The following CADPS2 variants were observed in gnomAD, a reference collection of about 807,000 sequenced individuals.
The protein encoded by CADPS2 is calcium dependent secretion activator 2.
CADPS2 carries 93 observed loss-of-function variants against 172.5 expected under a neutral mutation model. The observed-to-expected ratio is 0.54, with a 90% CI of 0.46 to 0.64. The LOEUF (loss-of-function observed/expected upper bound fraction) is 0.64, where lower values mean the gene tolerates loss of function less well. Among genes scored for constraint, CADPS2 ranks in the 30% least tolerant of loss-of-function variants. The pLI is 0.00. For missense variants in CADPS2, 1,420 were observed against 1,565.9 expected (o/e 0.91, Z 1.57); for synonymous variants, 546 against 555.2 (o/e 0.98, Z 0.23).
At chr7:122,591,482 ACT>A (rs1256679118) in intron 6 of CADPS2, among the ~76,000 whole-genome samples, 2 of 152,156 alleles carry the variant, frequency 1.3e-5, no homozygotes, top group African/African-American at 4.8e-5. Context: ...ATTGGAAAAA[ACT>A]ACTTTAAAGT....
At chr7:122,662,227 T>C (rs2080649987) in intron 3 of CADPS2, among the ~76,000 whole-genome samples, 1 of 152,180 alleles carries the variant, frequency 6.6e-6, no homozygotes. Context: ...ATTTTATCAA[T>C]TTAAGTTTTA....
At chr7:122,702,728 G>A in intron 2 of CADPS2, 2 of 1,606,582 alleles carry the variant, frequency 1.2e-6, no homozygotes, top group South Asian at 1.1e-5. Flanking sequence ...ATGCGTCGAA[G>A]GGGTAATTCT....
chr7:122,694,513 G>A (rs1176871891), intron 2 of CADPS2, among the ~76,000 whole-genome samples: 1 of 152,138 alleles, frequency 6.6e-6, no homozygotes. Context: ...ACAGTAACTT[G>A]GAGGTCTGAT....
chr7:122,432,654 A>AAAAAG (rs976452853), intron 17 of CADPS2, among the ~76,000 whole-genome samples: 3 of 151,080 alleles, frequency 2.0e-5, no homozygotes, highest in African/African-American at 7.3e-5. Context: ...AAAAAAAAAA[A>AAAAAG]AAAAAAAGAA....
intron 15 of CADPS2, among the ~76,000 whole-genome samples, 190 bp from the exon 16 acceptor site, chr7:122,441,765 CAAT>C (rs2051384128): frequency 6.6e-6 from 1 of 152,042 alleles, no homozygotes; most frequent in Non-Finnish European, 1.5e-5. Context: ...AAGACTTAAA[CAAT>C]AAAAGTATAA....
intron 8 of CADPS2, among the ~76,000 whole-genome samples, chr7:122,517,452 T>C (rs1172525861): frequency 6.6e-6 from 1 of 152,074 alleles, no homozygotes; most frequent in Non-Finnish European, 1.5e-5. Flanking sequence ...TGAAAGTACA[T>C]GTTTAACTTT....
chr7:122,853,151 T>C (rs906183302), intron 1 of CADPS2, among the ~76,000 whole-genome samples: 65 of 152,184 alleles, frequency 4.3e-4, no homozygotes, highest in African/African-American at 1.4e-3. Context: ...GACTGAACCC[T>C]ATAAACTACA....
At chr7:122,396,983 TA>T (rs1563232110) in intron 20 of CADPS2, among the ~76,000 whole-genome samples, 1 of 152,226 alleles carries the variant, frequency 6.6e-6, no homozygotes, top group African/African-American at 2.4e-5. Context: ...ATGGCACTTA[TA>T]AAACCTATTG....
At position 122,474,521 on chromosome 7, in the gene CADPS2, T is replaced by C; in HGVS notation, c.1862-4A>G. On this transcript the variant is annotated splice_region_variant and splice_polypyrimidine_tract_variant and intron_variant, in intron 12 of 29. Coordinates refer to ENST00000449022, the MANE Select transcript of CADPS2 (RefSeq NM_017954.11). ...TGTTTCTGAAAACGATCTGCATCTG[T>C]AAATTCAGGAAAGCATGTACAGTAT... 1 of 1,611,782 alleles carries C rather than the reference T, an allele frequency of 6.2e-7. No homozygotes were observed. Among genetic ancestry groups the C allele is most frequent in the African/African-American group, 1.3e-5 (1 of 74,966 alleles).
chr7:122,687,601 A>G (rs1015321412), intron 2 of CADPS2, among the ~76,000 whole-genome samples: 7 of 152,200 alleles, frequency 4.6e-5, no homozygotes, highest in African/African-American at 1.4e-4. Context: ...ACTGTTAAGG[A>G]TTAAATGAGA....
At chr7:122,440,184 C>T (rs1039496955) in intron 16 of CADPS2, 1 of 152,138 alleles carries the variant, frequency 6.6e-6, no homozygotes, top group African/African-American at 2.4e-5. Flanking sequence ...GTGACTATAA[C>T]TGGAATAAAG....
chr7:122,370,137 GA>G, intron 25 of CADPS2, among the ~76,000 whole-genome samples: 1 of 152,156 alleles, frequency 6.6e-6, no homozygotes, highest in South Asian at 2.1e-4. Context: ...ACTTGCTTGG[GA>G]AAACTTTTCC....
At chr7:122,590,751 C>T (rs563672525) in intron 6 of CADPS2, among the ~76,000 whole-genome samples, 10 of 151,502 alleles carry the variant, frequency 6.6e-5, no homozygotes, top group Admixed American at 6.6e-5. Context: ...CAAATAGCTC[C>T]AATATAATCC....
At chr7:122,548,074 A>C (rs2063807303) in intron 8 of CADPS2, among the ~76,000 whole-genome samples, 1 of 152,144 alleles carries the variant, frequency 6.6e-6, no homozygotes, top group Non-Finnish European at 1.5e-5. Context: ...CCCTCTTCAA[A>C]TAAAGCAATT....
intron 20 of CADPS2, among the ~76,000 whole-genome samples, chr7:122,404,254 T>C (rs1483544272): frequency 6.6e-6 from 1 of 152,186 alleles, no homozygotes; most frequent in Non-Finnish European, 1.5e-5. Flanking sequence ...TTGGTTTTTT[T>C]GTCCTTGCAA....
chr7:122,337,693 T>C (rs2036081713), intron 28 of CADPS2, among the ~76,000 whole-genome samples: 1 of 149,428 alleles, frequency 6.7e-6, no homozygotes. Flanking sequence ...TGAGGATTAT[T>C]AACTCAAAGG....
chr7:122,679,712 C>G (rs2082818641), intron 2 of CADPS2, among the ~76,000 whole-genome samples: 1 of 151,426 alleles, frequency 6.6e-6, no homozygotes, highest in Admixed American at 6.6e-5. Flanking sequence ...CCTGGACATC[C>G]AGCTTTAAAA....
At chr7:122,467,779 A>G (rs959691627) in intron 14 of CADPS2, among the ~76,000 whole-genome samples, 2 of 152,186 alleles carry the variant, frequency 1.3e-5, no homozygotes, top group Non-Finnish European at 2.9e-5. Context: ...ATAACCACAC[A>G]TATCAACCTA....
intron 3 of CADPS2, among the ~76,000 whole-genome samples, chr7:122,645,498 A>ATT (rs2078364334): frequency 9.4e-6 from 1 of 105,964 alleles, no homozygotes; most frequent in Admixed American, 1.0e-4. Flanking sequence ...GTATATATAT[A>ATT]TAAGTATATA....
Sources: gnomAD v4.1 joint callset for allele counts (sites outside exome capture counted in the v4.1 genomes callset) on GRCh38, gnomAD v4.1.1 for gene constraint, MANE v1.5 for transcripts, NCBI Gene and HGNC (gene_info 2026-07-23, HGNC 2026-07-21) for gene names.